The following PATE4 variants were observed in gnomAD, a reference collection of about 807,000 sequenced individuals.
The protein encoded by PATE4 is prostate and testis expressed 4.
In PATE4, 13 loss-of-function variants were observed where a neutral mutation model predicts 8.5. That is an observed-to-expected ratio of 1.53 (90% CI 1.00 to 2.43). The LOEUF is 2.43. Ranked by LOEUF, PATE4 falls within the 30% of genes most tolerant of loss-of-function variation. The pLI, the probability that PATE4 is intolerant of heterozygous loss-of-function variation, is 0.00. For missense variants in PATE4, 127 were observed against 115.5 expected, an observed-to-expected ratio of 1.10 and a Z score of -0.46; for synonymous variants, 47 against 39.3, an observed-to-expected ratio of 1.20 and a Z score of -0.73.
At chr11:125,836,557 C>G (rs1238575756) in intron 1 of PATE4, among the ~76,000 whole-genome samples, 2 of 152,170 alleles carry the variant, frequency 1.3e-5, no homozygotes, top group Non-Finnish European at 2.9e-5. Flanking sequence ...CCATACCACA[C>G]CACCCACTTA....
At chr11:125,835,140 A>T (rs1379087545) in intron 1 of PATE4, 1 of 152,190 alleles carries the variant, frequency 6.6e-6, no homozygotes, top group Non-Finnish European at 1.5e-5. Flanking sequence ...AATTGGAAAT[A>T]CTCAGGTTAA....
intron 1 of PATE4, among the ~76,000 whole-genome samples, chr11:125,836,965 A>G (rs1204617589): frequency 6.6e-6 from 1 of 152,224 alleles, no homozygotes; most frequent in Non-Finnish European, 1.5e-5. Context: ...TGGATTTATC[A>G]TTAAGAGGTC....
In PATE4 at chr11:125,837,960, T is replaced by C. The variant is rs1376103813; in HGVS notation, c.151T>C (p.Cys51Arg). Residue 51 changes from cysteine to arginine, a missense_variant, in exon 2 of 3, where the codon TGT (cysteine) becomes CGT (arginine). Coordinates refer to ENST00000457514, the MANE Select transcript of PATE4 (RefSeq NM_001144874.1). ...TTGCATTGCAAAAGAAAATGAGTTA[T>C]GTTCAACAACAGCCTATTTCAGGGG... is the stretch of plus-strand genomic sequence containing the variant. ...GTCIAKENEL[C>R]STTAYFRGDK... 4 of 1,551,642 alleles carry C rather than the reference T, an allele frequency of 2.6e-6. No homozygotes were observed. Among genetic ancestry groups the C allele is most frequent in the East Asian group, 4.9e-5 (2 of 40,926 alleles).
At position 125,839,978 on chromosome 11, in the gene PATE4, G is replaced by C. The variant is rs1429951060; in HGVS notation, c.*1551G>C. 1.3e-5 allele frequency: 2 copies of C among 152,044 alleles called. No individual in the cohort carries two copies. Among genetic ancestry groups the C allele is most frequent in the Non-Finnish European group, 2.9e-5 (2 of 68,008 alleles). 9.4% of individuals were successfully genotyped at this position (152,044 alleles called of 1,614,324 possible). On this transcript the variant is annotated 3_prime_UTR_variant, in exon 3 of 3. Coordinates refer to ENST00000457514, the MANE Select transcript of PATE4 (RefSeq NM_001144874.1). Reference sequence around the variant, plus strand: ...TGAGGGTCTCTGGGGACTTTGTTTTGATTTGTTATTGTTTTTATATTCAGT... The same window carrying C: ...TGAGGGTCTCTGGGGACTTTGTTTTCATTTGTTATTGTTTTTATATTCAGT...
intron 2 of PATE4, 29 bp from the exon 3 acceptor site, chr11:125,838,277 G>A (rs941256070): frequency 2.6e-6 from 4 of 1,520,872 alleles, no homozygotes; most frequent in Non-Finnish European, 3.5e-6. Context: ...ATCTCCTCCA[G>A]CATTTATAAC....
chr11:125,835,430 A>G (rs1320554424), intron 1 of PATE4: 1 of 152,166 alleles, frequency 6.6e-6, no homozygotes, highest in African/African-American at 2.4e-5. Context: ...GCCATGCCAT[A>G]TCAAGCAAGT....
Position 125,838,631 on chromosome 11 carries a change from A to G in PATE4, c.*204A>G, listed in dbSNP as rs950107218. On this transcript the variant is annotated 3_prime_UTR_variant, in exon 3 of 3. Coordinates refer to ENST00000457514, the MANE Select transcript of PATE4 (RefSeq NM_001144874.1). ...TCCTAAAATCATGAGCATTGAAACA[A>G]AATCCTCCATGAGCTATGCTTATTC... 2.0e-6 allele frequency: 1 copy of G among 506,552 alleles called. No individual in the cohort carries two copies. 31.4% of individuals were successfully genotyped at this position (506,552 alleles called of 1,614,324 possible).
intron 1 of PATE4, among the ~76,000 whole-genome samples, chr11:125,833,835 T>C (rs1409759633): frequency 1.3e-5 from 2 of 152,188 alleles, no homozygotes; most frequent in Admixed American, 1.3e-4. Context: ...CCCTCCTCTA[T>C]ATCAACTTAC....
intron 1 of PATE4, among the ~76,000 whole-genome samples, chr11:125,833,734 T>C (rs12224816): frequency 0.87 from 131,667 of 152,098 alleles, 57,133 homozygotes; most frequent in East Asian, 1. Context: ...TCCTTTCCTC[T>C]GGCTACTTCT....
At chr11:125,837,179 C>T (rs1355488627) in intron 1 of PATE4, among the ~76,000 whole-genome samples, 1 of 152,150 alleles carries the variant, frequency 6.6e-6, no homozygotes, top group East Asian at 1.9e-4. Flanking sequence ...TCACTTAGTC[C>T]TTAAATCTAA....
intron 1 of PATE4, among the ~76,000 whole-genome samples, chr11:125,837,003 T>C (rs1450172381): frequency 6.6e-6 from 1 of 152,230 alleles, no homozygotes; most frequent in Admixed American, 6.5e-5. Flanking sequence ...CTTGATGGAA[T>C]AGTGAGAATG....
chr11:125,838,542 G>C lies in PATE4; in HGVS notation c.*115G>C, dbSNP rs1943937445. Reference sequence around the variant, plus strand: ...CCACACTGGCCTAAGATCCCAGAGAGAGCTGCAGGGGCTGTCCTCATTGCA... The same window carrying C: ...CCACACTGGCCTAAGATCCCAGAGACAGCTGCAGGGGCTGTCCTCATTGCA... On this transcript the variant is annotated 3_prime_UTR_variant, in exon 3 of 3. Coordinates refer to ENST00000457514, the MANE Select transcript of PATE4 (RefSeq NM_001144874.1). The C allele has an allele frequency of 1.6e-6, 2 of 1,290,030 alleles. No individual in the cohort carries two copies. Among genetic ancestry groups the C allele is most frequent in the South Asian group, 3.3e-5 (2 of 59,862 alleles). The allele number at this position is 1,290,030 out of a possible 1,614,324, so 79.9% of individuals were successfully genotyped here.
chr11:125,834,067 C>T (rs549198557), intron 1 of PATE4, among the ~76,000 whole-genome samples: 1 of 152,090 alleles, frequency 6.6e-6, no homozygotes, highest in African/African-American at 2.4e-5. Flanking sequence ...ATATTTCTAC[C>T]TTATATTTCT....
intron 1 of PATE4, chr11:125,835,906 C>T (rs1943916168): frequency 6.6e-6 from 1 of 152,224 alleles, no homozygotes; most frequent in Non-Finnish European, 1.5e-5. Flanking sequence ...AAAGCCACCC[C>T]CTCCTGCCCA....
intron 1 of PATE4, chr11:125,835,171 C>T (rs948237477): frequency 6.6e-6 from 1 of 152,128 alleles, no homozygotes; most frequent in Non-Finnish European, 1.5e-5. Context: ...GACAATTATT[C>T]GAAGAGCATT....
rs1232014317 is a variant in PATE4, at chr11:125,837,991, G to A, written c.175+7G>A. On this transcript the variant is annotated splice_region_variant and intron_variant, in intron 2 of 2. Coordinates refer to ENST00000457514, the MANE Select transcript of PATE4 (RefSeq NM_001144874.1). Reference sequence around the variant, plus strand: ...ACAACAGCCTATTTCAGGGGTAAGTGGGGCTCATGAAGACTCCAAAATTGC... The same window carrying A: ...ACAACAGCCTATTTCAGGGGTAAGTAGGGCTCATGAAGACTCCAAAATTGC... 1 of 1,547,206 alleles carries A rather than the reference G, an allele frequency of 6.5e-7. No homozygotes were observed. Among genetic ancestry groups the A allele is most frequent in the Non-Finnish European group, 8.7e-7 (1 of 1,143,126 alleles).
At chr11:125,834,293 A>C (rs1301501153) in intron 1 of PATE4, among the ~76,000 whole-genome samples, 1 of 152,136 alleles carries the variant, frequency 6.6e-6, no homozygotes, top group African/African-American at 2.4e-5. Context: ...ACATCAAACA[A>C]ATGGCTAATA....
In PATE4 at chr11:125,838,668, ACTC is replaced by A. The variant is rs1943938202; in HGVS notation, c.*244_*246del. The stretch of plus-strand genomic sequence containing the variant: ...AGCTATGCTTATTCTTTTGTCTTCT[ACTC>A]CTGATTTCTGATTTCTATCCCTTGT... On this transcript the variant is annotated 3_prime_UTR_variant, in exon 3 of 3. Transcript: ENST00000457514. The A allele has an allele frequency of 9.9e-6, 4 of 403,546 alleles. No homozygotes were observed. The highest frequency in any genetic ancestry group is 2.0e-5 in the African/African-American group (1 of 48,806). The allele number at this position is 403,546 out of a possible 1,614,324, so 25.0% of individuals were successfully genotyped here.
chr11:125,834,169 G>A (rs1240964386), intron 1 of PATE4, among the ~76,000 whole-genome samples: 3 of 152,130 alleles, frequency 2.0e-5, no homozygotes, highest in Admixed American at 6.5e-5. Context: ...GCTTAGAAAT[G>A]AGAAAGACCT....
Sources: gnomAD v4.1 joint callset for allele counts (sites outside exome capture counted in the v4.1 genomes callset) on GRCh38, gnomAD v4.1.1 for gene constraint, MANE v1.5 for transcripts, NCBI Gene and HGNC (gene_info 2026-07-23, HGNC 2026-07-21) for gene names.